PTPRC: variants seen among roughly 807,000 people sequenced by gnomAD.
PTPRC encodes the protein receptor-type tyrosine-protein phosphatase C.
A neutral mutation model predicts 155.9 loss-of-function variants in PTPRC; 44 were observed. That is an observed-to-expected ratio of 0.28 (90% CI 0.22 to 0.36). The LOEUF (loss-of-function observed/expected upper bound fraction) is 0.36, where lower values mean the gene tolerates loss of function less well. Ranked by LOEUF, PTPRC falls within the 10% of genes least tolerant of loss-of-function variation. The pLI, the probability that PTPRC is intolerant of heterozygous loss-of-function variation, is 1.00. For missense variants in PTPRC, 1,401 were observed against 1,564.6 expected, an observed-to-expected ratio of 0.90 and a Z score of 1.76; for synonymous variants, 525 against 533.1, an observed-to-expected ratio of 0.98 and a Z score of 0.21.
At chr1:198,681,220 A>G (rs887815760) in intron 2 of PTPRC, among the ~76,000 whole-genome samples, 1 of 152,138 alleles carries the variant, frequency 6.6e-6, no homozygotes, top group Non-Finnish European at 1.5e-5. Context: ...TATTATTTTA[A>G]TATTTTCTAT....
intron 5 of PTPRC, among the ~76,000 whole-genome samples, chr1:198,701,774 G>A (rs1175298444): frequency 6.6e-6 from 1 of 152,226 alleles, no homozygotes; most frequent in African/African-American, 2.4e-5. Flanking sequence ...TTCCTGGCCA[G>A]GGAAGCCTGA....
intron 32 of PTPRC, 39 bp downstream of exon 32, chr1:198,754,443 T>C (rs76470138): frequency 6.4e-7 from 1 of 1,566,808 alleles, no homozygotes; most frequent in South Asian, 1.1e-5. Context: ...ATGCTCGGAA[T>C]TTTTTTTTTC....
chr1:198,649,721 C>T (rs1337328962), intron 2 of PTPRC, among the ~76,000 whole-genome samples: 1 of 151,800 alleles, frequency 6.6e-6, no homozygotes, highest in African/African-American at 2.4e-5. Flanking sequence ...ATCGATTCAT[C>T]AATTGTTTAT....
chr1:198,749,624 A>C, intron 28 of PTPRC, 75 bp downstream of exon 28: 1 of 1,434,320 alleles, frequency 7.0e-7, no homozygotes, highest in Non-Finnish European at 9.7e-7. Context: ...GCCATTCATT[A>C]AGCGATTTTA....
rs546393870 is a variant in PTPRC, at chr1:198,654,678, A to G, written c.73+15337A>G. On this transcript the variant is annotated intron_variant, in intron 2 of 32. Coordinates refer to ENST00000442510, the MANE Select transcript of PTPRC (RefSeq NM_002838.5). ...CATTTTAAACCTGCTGTCCTTTATA[A>G]GAGAATAATATATTTTGTAATTTGA... Among the ~76,000 whole-genome samples the G allele has an allele frequency of 5.6e-3, 849 of 151,924 alleles. 11 individuals are homozygous for G. The highest frequency in any genetic ancestry group is 0.02 in the African/African-American group (810 of 41,504).
chr1:198,702,321 G>A lies in PTPRC; in HGVS notation c.440-66G>A, dbSNP rs138172747. 5.5e-5 allele frequency: 88 copies of A among 1,599,636 alleles called. No individual in the cohort carries two copies. In the African/African-American group the frequency reaches 1.1e-3, roughly 20 times the overall value. Reference sequence around the variant, plus strand: ...ATCTTTAGTAATTGTGTTTATGTTGGCTATCTGGCTATTGCCCTTGCGTGA... The same window carrying A: ...ATCTTTAGTAATTGTGTTTATGTTGACTATCTGGCTATTGCCCTTGCGTGA... On this transcript the variant is annotated intron_variant, in intron 5 of 32. Transcript: ENST00000442510.
intron 27 of PTPRC, among the ~76,000 whole-genome samples, chr1:198,749,130 T>C (rs997900316): frequency 6.6e-6 from 1 of 151,712 alleles, no homozygotes; most frequent in Non-Finnish European, 1.5e-5. Context: ...AATTAAAGTA[T>C]ATGTATCAAA....
intron 10 of PTPRC, among the ~76,000 whole-genome samples, chr1:198,709,150 C>A (rs1653153993): frequency 6.6e-6 from 1 of 152,168 alleles, no homozygotes. Flanking sequence ...ACAGATTGGG[C>A]ATCCCTAATC....
intron 23 of PTPRC, among the ~76,000 whole-genome samples, chr1:198,741,089 A>G (rs1571885827): frequency 6.6e-6 from 1 of 151,856 alleles, no homozygotes. Context: ...CACCTGCTCC[A>G]TAGATATGAG....
chr1:198,716,793 A>T lies in PTPRC; in HGVS notation c.1403A>T (p.Gln468Leu). ...CATGCCTACATCATTGCAAAAGTGC[A>T]ACGTAATGGAAGTGCTGCAATGTGT... ...SLHAYIIAKVQRNGSAAMCHF... is the reference protein window; with the variant it reads ...SLHAYIIAKVLRNGSAAMCHF... Residue 468 changes from glutamine (Q) to leucine (L), a missense_variant, in exon 13 of 33, where the codon CAA (glutamine) becomes CTA (leucine). Around this residue, in one of 3 missense-constraint regions of PTPRC, gnomAD observed 867 missense variants for 970.4 expected, o/e 0.89. Coordinates refer to ENST00000442510, the MANE Select transcript of PTPRC (RefSeq NM_002838.5). The T allele has an allele frequency of 6.2e-7, 1 of 1,613,656 alleles. No individual in the cohort carries two copies. The highest frequency in any genetic ancestry group is 1.1e-5 in the South Asian group (1 of 91,062).
intron 12 of PTPRC, among the ~76,000 whole-genome samples, chr1:198,715,841 TTGC>T (rs1442690950): frequency 6.6e-6 from 1 of 152,190 alleles, no homozygotes; most frequent in Non-Finnish European, 1.5e-5. Flanking sequence ...ATTATTACTG[TTGC>T]TGCTATCCAG....
rs1665964034 is a variant in PTPRC, at chr1:198,692,197, A to G, written c.74-150A>G. On this transcript the variant is annotated intron_variant, in intron 2 of 32. Transcript: ENST00000442510. Reference sequence around the variant, plus strand: ...TAAACATGGTACTAAGAGAGGAAATATAGTTTCATTAGGGTAAAAGCTACT... The same window carrying G: ...TAAACATGGTACTAAGAGAGGAAATGTAGTTTCATTAGGGTAAAAGCTACT... The G allele has an allele frequency of 1.2e-5, 6 of 486,476 alleles. No homozygotes were observed. In the East Asian group the frequency reaches 1.4e-4, roughly 11 times the overall value. The allele number at this position is 486,476 out of a possible 1,614,324, so 30.1% of individuals were successfully genotyped here.
At chr1:198,673,867 G>T (rs1205216226) in intron 2 of PTPRC, among the ~76,000 whole-genome samples, 2 of 152,006 alleles carry the variant, frequency 1.3e-5, no homozygotes, top group Non-Finnish European at 2.9e-5. Context: ...CTAAATTTAA[G>T]AAATTGAAAT....
In PTPRC at chr1:198,697,504, GA is replaced by G. The variant is rs566973370; in HGVS notation, c.298+600del. ...AAAGGCAATGTAGCCATGTTCCCGG[GA>G]AAAATCAGATTGATGCAAGAGATAT... On this transcript the variant is annotated intron_variant, in intron 4 of 32. Transcript: ENST00000442510. Among the ~76,000 whole-genome samples, 55 of 152,260 alleles carry G rather than the reference GA, an allele frequency of 3.6e-4. 2 individuals are homozygous for G. The South Asian group carries it at 0.011, about 32-fold the overall frequency.
chr1:198,739,409 TA>T (rs1352773769), intron 23 of PTPRC, among the ~76,000 whole-genome samples: 2 of 150,600 alleles, frequency 1.3e-5, no homozygotes, highest in African/African-American at 5.0e-5. Context: ...AATGGAAACC[TA>T]AAAAGAGAAG....
chr1:198,744,480 A>C (rs1655050483), intron 26 of PTPRC, among the ~76,000 whole-genome samples: 1 of 151,904 alleles, frequency 6.6e-6, no homozygotes, highest in Non-Finnish European at 1.5e-5. Flanking sequence ...GAAGTGTCAA[A>C]ATAATAGTAT....
At chr1:198,639,184 GA>G (rs1275110438) in intron 1 of PTPRC, 41 bp from the exon 2 acceptor site, 2 of 1,114,964 alleles carry the variant, frequency 1.8e-6, no homozygotes, top group African/African-American at 3.1e-5. Context: ...CGTTTTTACA[GA>G]GAAAAACTTC....
chr1:198,725,489 TGTGTGGTAAA>T (rs1654091162), intron 15 of PTPRC, among the ~76,000 whole-genome samples: 1 of 152,198 alleles, frequency 6.6e-6, no homozygotes, highest in African/African-American at 2.4e-5. Flanking sequence ...TACTCCTTGT[TGTGTGGTAAA>T]GTGTGAAAAA....
intron 3 of PTPRC, chr1:198,693,983 T>C (rs1243179162): frequency 1.3e-6 from 2 of 1,539,736 alleles, no homozygotes; most frequent in South Asian, 2.4e-5. Context: ...GTTTATGTGA[T>C]TGACACACAA....
Sources: allele counts gnomAD v4.1 joint callset (sites outside exome capture counted in the v4.1 genomes callset), GRCh38; gene constraint gnomAD v4.1.1; regional missense constraint gnomAD v4.1.1; transcripts MANE v1.5; gene names NCBI Gene and HGNC (gene_info 2026-07-23, HGNC 2026-07-21).